CD44: variants seen among roughly 807,000 people sequenced by gnomAD.
CD44 encodes the protein CD44 molecule (IN blood group), also known as CD44 antigen.
Under a neutral mutation model 88.8 loss-of-function variants are expected in CD44, and 49 were observed. The observed-to-expected ratio is 0.55, with a 90% CI of 0.44 to 0.70. The LOEUF (loss-of-function observed/expected upper bound fraction) is 0.70. Among genes scored for constraint, CD44 ranks in the 30% least tolerant of loss-of-function variants. CD44 has a pLI of 0.00. For missense variants in CD44, 883 were observed against 913.8 expected (o/e 0.97, Z 0.43); for synonymous variants, 325 against 312.3 (o/e 1.04, Z -0.43).
chr11:35,165,801 C>T (rs353632), intron 1 of CD44, among the ~76,000 whole-genome samples: 38,701 of 151,990 alleles, frequency 0.25, 4,956 homozygotes, highest in African/African-American at 0.29. Context: ...AGGCTAGAAC[C>T]AGTGCATCCC....
intron 2 of CD44, among the ~76,000 whole-genome samples, chr11:35,179,662 A>G (rs1944804043): frequency 6.6e-6 from 1 of 152,206 alleles, no homozygotes; most frequent in African/African-American, 2.4e-5. Context: ...CAATAGAATT[A>G]TGCCTGCAAT....
At chr11:35,180,150 C>T in intron 2 of CD44, 124 bp from the exon 3 acceptor site, 1 of 879,986 alleles carries the variant, frequency 1.1e-6, no homozygotes, top group East Asian at 2.6e-5. Flanking sequence ...GTTGTTGAAA[C>T]CTCCGATATC....
At chr11:35,192,924 C>T (rs1001057260) in intron 5 of CD44, among the ~76,000 whole-genome samples, 1 of 151,470 alleles carries the variant, frequency 6.6e-6, no homozygotes, top group Non-Finnish European at 1.5e-5. Context: ...AAAAATAACG[C>T]CTATTTCTAT....
intron 5 of CD44, among the ~76,000 whole-genome samples, chr11:35,194,587 C>A (rs774278519): frequency 1.8e-4 from 27 of 152,306 alleles, no homozygotes; most frequent in South Asian, 4.1e-4. Context: ...GGATGTCAGA[C>A]CTTTTAGTGT....
Position 35,209,987 on chromosome 11 carries a change from C to G in CD44, c.1539C>G (p.Phe513Leu). ...CAGAGCAGAGTAATTCTCAGAGCTT[C>G]TCTACATCACATGAAGGCTTGGAAG... ...MTTQQSNSQS[F>L]STSHEGLEED... Residue 513 changes from phenylalanine (F) to leucine (L), a missense_variant, in exon 13 of 18, where the codon TTC (phenylalanine) becomes TTG (leucine). Phe to Leu is a conservative substitution (Grantham distance 22, BLOSUM62 0). Transcript: ENST00000428726. 1 of 1,577,780 alleles carries G rather than the reference C, an allele frequency of 6.3e-7. No homozygotes were observed. Among genetic ancestry groups the G allele is most frequent in the Non-Finnish European group, 8.6e-7 (1 of 1,165,370 alleles).
intron 3 of CD44, among the ~76,000 whole-genome samples, chr11:35,182,029 A>G (rs1203039200): frequency 1.6e-5 from 2 of 121,888 alleles, no homozygotes; most frequent in Non-Finnish European, 3.2e-5. Context: ...ATATATAAAT[A>G]TATACACATT....
intron 1 of CD44, among the ~76,000 whole-genome samples, chr11:35,151,977 A>T (rs79358741): frequency 0.049 from 7,398 of 152,296 alleles, 255 homozygotes; most frequent in Admixed American, 0.12. Flanking sequence ...AGTTTCTTCA[A>T]CTGCAAACTG....
In CD44 at chr11:35,154,504, CA is replaced by C. The variant is rs140994695; in HGVS notation, c.67+15135del. On this transcript the variant is annotated intron_variant, in intron 1 of 17. Transcript: ENST00000428726. ...TTTAAGATGCCTTCAGATGCAAGTA[CA>C]TGTCATAATAGAAATATTTAAAAAT... Among the ~76,000 whole-genome samples, 921 of 152,308 alleles carry C rather than the reference CA, an allele frequency of 6.0e-3. 6 individuals are homozygous for C. The highest frequency in any genetic ancestry group is 0.021 in the African/African-American group (883 of 41,562).
At chr11:35,185,329 A>C (rs919241903) in intron 3 of CD44, among the ~76,000 whole-genome samples, 5 of 152,122 alleles carry the variant, frequency 3.3e-5, no homozygotes, top group Admixed American at 2.0e-4. Context: ...TTTTTTTCCA[A>C]TTGAATGTAT....
chr11:35,201,554 C>A, intron 8 of CD44, 117 bp from the exon 9 acceptor site: 2 of 1,292,220 alleles, frequency 1.5e-6, no homozygotes, highest in South Asian at 1.4e-5. Context: ...AGAGTGGATG[C>A]TCAGAGGTAA....
At chr11:35,169,431 C>A (rs898060360) in intron 1 of CD44, among the ~76,000 whole-genome samples, 2 of 152,084 alleles carry the variant, frequency 1.3e-5, no homozygotes, top group Non-Finnish European at 2.9e-5. Flanking sequence ...CACACACACA[C>A]ACACACACAC....
rs1947828718 is a variant in CD44, at chr11:35,206,254, C to T, written c.1414+11C>T. 1 of 1,584,980 alleles carries T rather than the reference C, an allele frequency of 6.3e-7. No individual in the cohort carries two copies. Among genetic ancestry groups the T allele is most frequent in the African/African-American group, 1.4e-5 (1 of 72,908 alleles). ...CAGGAAGAAGGATGGGTAATAGCCT[C>T]TGAGATTTTTATATATTATGTTTTT... On this transcript the variant is annotated intron_variant, in intron 11 of 17. Transcript: ENST00000428726.
chr11:35,176,955 C>CAG (rs924557845), intron 2 of CD44: 37 of 511,046 alleles, frequency 7.2e-5, no homozygotes, highest in African/African-American at 6.9e-4. Context: ...AGCGGGAACC[C>CAG]AGAGGAAGCC....
At chr11:35,152,176 A>G (rs1321857741) in intron 1 of CD44, among the ~76,000 whole-genome samples, 1 of 152,188 alleles carries the variant, frequency 6.6e-6, no homozygotes, top group East Asian at 1.9e-4. Flanking sequence ...CAGCAGCCAC[A>G]TTCCATGAGC....
At chr11:35,222,065 C>T (rs932695163) in intron 17 of CD44, among the ~76,000 whole-genome samples, 6 of 152,178 alleles carry the variant, frequency 3.9e-5, no homozygotes, top group Non-Finnish European at 8.8e-5. Flanking sequence ...AGGGTTAAAC[C>T]TCATGCAGAC....
intron 1 of CD44, among the ~76,000 whole-genome samples, chr11:35,170,232 A>T (rs1391776534): frequency 3.3e-5 from 5 of 152,246 alleles, no homozygotes; most frequent in Non-Finnish European, 5.9e-5. Flanking sequence ...AGTGAGTGGC[A>T]GGGTCAGGAA....
At chr11:35,170,235 G>T (rs34443928) in intron 1 of CD44, among the ~76,000 whole-genome samples, 24,511 of 152,146 alleles carry the variant, frequency 0.16, 2,082 homozygotes, top group Middle Eastern at 0.28. Context: ...GAGTGGCAGG[G>T]TCAGGAATTG....
At chr11:35,224,072 A>G (rs1318628506) in intron 17 of CD44, among the ~76,000 whole-genome samples, 1 of 152,232 alleles carries the variant, frequency 6.6e-6, no homozygotes, top group African/African-American at 2.4e-5. Flanking sequence ...ATTGGCTAAT[A>G]TTTATTGAGA....
chr11:35,208,525 T>C (rs1024801720), intron 12 of CD44, among the ~76,000 whole-genome samples: 5 of 152,246 alleles, frequency 3.3e-5, no homozygotes, highest in African/African-American at 1.2e-4. Flanking sequence ...GATTTCTCTA[T>C]GTTTTAACTG....
Sources: allele counts gnomAD v4.1 joint callset (sites outside exome capture counted in the v4.1 genomes callset), GRCh38; gene constraint gnomAD v4.1.1; transcripts MANE v1.5; gene names NCBI Gene and HGNC (gene_info 2026-07-23, HGNC 2026-07-21).